Variants in KLHDC1 observed in about 807,000 individuals in gnomAD.
The protein encoded by KLHDC1 is kelch domain containing 1.
A neutral mutation model predicts 68.3 loss-of-function variants in KLHDC1; 53 were observed. That is an observed-to-expected ratio of 0.78 (90% confidence interval 0.62 to 0.98). The LOEUF (loss-of-function observed/expected upper bound fraction) is 0.98, where lower values mean the gene tolerates loss of function less well. Ranked by LOEUF, KLHDC1 falls within the 50% of genes least tolerant of loss-of-function variation. The pLI, the probability that KLHDC1 is intolerant of heterozygous loss-of-function variation, is 0.00. For missense variants in KLHDC1, 470 were observed against 492.3 expected (o/e 0.95, Z 0.43); for synonymous variants, 148 against 159.0 (o/e 0.93, Z 0.52).
chr14:49,735,814 C>T (rs539303211), intron 10 of KLHDC1, among the ~76,000 whole-genome samples: 12 of 152,154 alleles, frequency 7.9e-5, no homozygotes, highest in Admixed American at 3.9e-4. Flanking sequence ...AGTTTGAGAG[C>T]AGCCTGGGCA....
chr14:49,693,209 G>C lies in KLHDC1; in HGVS notation c.15G>C (p.Gln5His). ...CGACGGCGCGAATGGCGGACTCTCA[G>C]CTGTTCTGTGTGGCGGAGGAACGCA... Reference protein sequence around the residue: MADSQLFCVAEERSG... With the variant: MADSHLFCVAEERSG... The change falls in exon 1 of 13, where the codon CAG (glutamine) becomes CAC (histidine). Residue 5 changes from glutamine (Q) to histidine (H), a missense_variant. Physicochemically the swap from Gln to His is conservative, Grantham distance 24. Transcript: ENST00000359332. The C allele has an allele frequency of 6.3e-7, 1 of 1,582,720 alleles. No individual in the cohort carries two copies.
chr14:49,699,542 C>T (rs916098193), intron 1 of KLHDC1, among the ~76,000 whole-genome samples: 3 of 152,022 alleles, frequency 2.0e-5, no homozygotes, highest in African/African-American at 7.2e-5. Context: ...GGTGGTATTC[C>T]AGTACTCAGT....
intron 3 of KLHDC1, 98 bp from the exon 4 acceptor site, chr14:49,710,162 TAAA>T (rs1349075700): frequency 1.8e-5 from 12 of 658,554 alleles, no homozygotes; most frequent in Admixed American, 5.3e-5. Context: ...GCTTACCTAT[TAAA>T]AAGAAAATAA....
Position 49,722,230 on chromosome 14 carries a change from A to G in KLHDC1, c.405-1644A>G, listed in dbSNP as rs1362730614. 3.9e-5 allele frequency among the ~76,000 whole-genome samples: 6 copies of G among 152,192 alleles called. No individual in the cohort carries two copies. The East Asian group carries it at 1.2e-3, about 29-fold the overall frequency. On this transcript the variant is annotated intron_variant, in intron 4 of 12. Coordinates refer to ENST00000359332, the MANE Select transcript of KLHDC1 (RefSeq NM_172193.3). ...GCCATGTTGGTATGCTGCACCCATT[A>G]ACACATCATTTACATTAGGTATATC...
In KLHDC1 at chr14:49,695,116, A is replaced by G. The variant is rs375703056; in HGVS notation, c.96+1826A>G. ...CTCTGTAACATGCAATGCAGTTTTGATGTGTGTGTGTGTGTGTGTGTGTGT... is the reference window on the plus strand; with the variant it reads ...CTCTGTAACATGCAATGCAGTTTTGGTGTGTGTGTGTGTGTGTGTGTGTGT... On this transcript the variant is annotated intron_variant, in intron 1 of 12. Coordinates refer to ENST00000359332, the MANE Select transcript of KLHDC1 (RefSeq NM_172193.3). 1.6e-3 allele frequency among the ~76,000 whole-genome samples: 222 copies of G among 142,204 alleles called. 1 individual carries two copies. The highest frequency in any genetic ancestry group is 4.9e-3 in the African/African-American group (188 of 38,072). 93.3% of individuals were successfully genotyped at this position (142,204 alleles called of 152,430 possible).
chr14:49,697,223 C>T (rs984405911), intron 1 of KLHDC1, among the ~76,000 whole-genome samples: 1 of 152,178 alleles, frequency 6.6e-6, no homozygotes, highest in Admixed American at 6.5e-5. Context: ...GCGTGAGCCA[C>T]CATGCCTGGC....
chr14:49,743,072 CAAAAAAAAA>C (rs55778725), intron 11 of KLHDC1, among the ~76,000 whole-genome samples: 4 of 58,356 alleles, frequency 6.9e-5, no homozygotes, highest in Non-Finnish European at 1.2e-4. Context: ...ACCCTGTCTC[CAAAAAAAAA>C]AAAAAAAAAA....
At chr14:49,719,749 G>A (rs1470948581) in intron 4 of KLHDC1, among the ~76,000 whole-genome samples, 2 of 151,668 alleles carry the variant, frequency 1.3e-5, no homozygotes, top group African/African-American at 4.8e-5. Context: ...TTGTTACATT[G>A]CTTTTTGGCC....
intron 5 of KLHDC1, 50 bp downstream of exon 5, chr14:49,724,002 A>G (rs139064647): frequency 5.0e-6 from 5 of 999,294 alleles, no homozygotes; most frequent in Non-Finnish European, 7.6e-6. Context: ...GTATAGCCTT[A>G]ACATCTTAGA....
chr14:49,747,311 C>T (rs529702135), intron 12 of KLHDC1, among the ~76,000 whole-genome samples: 2 of 152,242 alleles, frequency 1.3e-5, no homozygotes, highest in Admixed American at 6.5e-5. Flanking sequence ...AATTTTAATC[C>T]CCTTCTCCAC....
At chr14:49,732,907 T>C (rs1349139518) in intron 9 of KLHDC1, 91 bp downstream of exon 9, 2 of 674,952 alleles carry the variant, frequency 3.0e-6, no homozygotes, top group East Asian at 2.9e-5. Flanking sequence ...TCTTCCTTTT[T>C]TCCTGTTTTT....
At position 49,709,700 on chromosome 14, in the gene KLHDC1, T is replaced by C. The variant is rs750815221; in HGVS notation, c.168-9T>C. 2 of 1,493,568 alleles carry C rather than the reference T, an allele frequency of 1.3e-6. No homozygotes were observed. The highest frequency in any genetic ancestry group is 1.8e-6 in the Non-Finnish European group (2 of 1,096,726). 92.5% of individuals were successfully genotyped at this position (1,493,568 alleles called of 1,614,324 possible). On this transcript the variant is annotated splice_polypyrimidine_tract_variant and intron_variant, in intron 2 of 12. Coordinates refer to ENST00000359332, the MANE Select transcript of KLHDC1 (RefSeq NM_172193.3). ...AAAGTTATGGGATTCCATGTTATTC[T>C]TGCTGCAGGAGAATGCACCTCATGG...
At chr14:49,708,070 C>CTT (rs11291588) in intron 1 of KLHDC1, among the ~76,000 whole-genome samples, 3 of 103,126 alleles carry the variant, frequency 2.9e-5, no homozygotes, top group South Asian at 3.3e-4. Flanking sequence ...AAAACTCTAG[C>CTT]TTTTTTTTTT....
chr14:49,718,900 C>A (rs192195861), intron 4 of KLHDC1, among the ~76,000 whole-genome samples: 1 of 149,328 alleles, frequency 6.7e-6, no homozygotes, highest in Non-Finnish European at 1.5e-5. Flanking sequence ...CCTCAGCCTC[C>A]CAAGTATCTG....
In KLHDC1 at chr14:49,693,158, T is replaced by C. The variant is rs1385022959; in HGVS notation, c.-37T>C. On this transcript the variant is annotated 5_prime_UTR_variant, in exon 1 of 13. Coordinates refer to ENST00000359332, the MANE Select transcript of KLHDC1 (RefSeq NM_172193.3). ...GGCGAGGCCGCCGGGCGGGCAGGGG[T>C]TGTGGCGCGGCAAGCGGCGGGCCAG... The C allele has an allele frequency of 6.5e-7, 1 of 1,549,506 alleles. No homozygotes were observed. The highest frequency in any genetic ancestry group is 1.2e-5 in the South Asian group (1 of 86,294).
At chr14:49,714,479 G>GA (rs548900933) in intron 4 of KLHDC1, among the ~76,000 whole-genome samples, 3 of 150,512 alleles carry the variant, frequency 2.0e-5, no homozygotes, top group African/African-American at 7.3e-5. Context: ...TCTCAAAAAC[G>GA]AAAAAAAATC....
intron 12 of KLHDC1, 119 bp from the exon 13 acceptor site, chr14:49,751,467 A>G: frequency 4.1e-6 from 2 of 483,328 alleles, no homozygotes; most frequent in Admixed American, 4.1e-5. Flanking sequence ...TAAAAATTAA[A>G]AAAAGATCTG....
chr14:49,742,440 TG>T (rs1889086341), intron 11 of KLHDC1, among the ~76,000 whole-genome samples: 1 of 149,796 alleles, frequency 6.7e-6, no homozygotes, highest in African/African-American at 2.5e-5. Flanking sequence ...GAAGCTGAGG[TG>T]GGCAGATCAC....
At chr14:49,707,107 T>C (rs1888068437) in intron 1 of KLHDC1, among the ~76,000 whole-genome samples, 1 of 152,184 alleles carries the variant, frequency 6.6e-6, no homozygotes, top group Non-Finnish European at 1.5e-5. Context: ...AGTTGTTTTA[T>C]AGTTTGAAGT....
Sources: gnomAD v4.1 joint callset for allele counts (sites outside exome capture counted in the v4.1 genomes callset) on GRCh38, gnomAD v4.1.1 for gene constraint, MANE v1.5 for transcripts, NCBI Gene and HGNC (gene_info 2026-07-23, HGNC 2026-07-21) for gene names.